The following SP110 variants were observed in gnomAD, a reference collection of about 807,000 sequenced individuals.
The protein encoded by SP110 is SP110 nuclear body protein, also known as interferon-induced protein 41, 30kD.
A neutral mutation model predicts 92.7 loss-of-function variants in SP110; 62 were observed. That is an observed-to-expected ratio of 0.67 (90% CI 0.55 to 0.83). SP110 has a LOEUF of 0.83. SP110 is among the 40% of genes least tolerant of loss of function. SP110 has a pLI of 0.00. For missense variants in SP110, 793 were observed against 863.9 expected (o/e 0.92, Z 1.03); for synonymous variants, 273 against 305.3 (o/e 0.89, Z 1.10).
intron 14 of SP110, among the ~76,000 whole-genome samples, chr2:230,175,707 A>T (rs1264442278): frequency 6.6e-6 from 1 of 152,138 alleles, no homozygotes; most frequent in Non-Finnish European, 1.5e-5. Context: ...AAGCAAGTAG[A>T]GGAGGTTGAG....
chr2:230,172,822 G>C, intron 15 of SP110, 22 bp downstream of exon 15: 1 of 1,509,868 alleles, frequency 6.6e-7, no homozygotes, highest in Non-Finnish European at 9.2e-7. Flanking sequence ...GTGTGCCCGA[G>C]GCGGGGCTGC....
intron 8 of SP110, 23 bp from the exon 9 acceptor site, chr2:230,202,751 A>C: frequency 6.2e-7 from 1 of 1,613,764 alleles, no homozygotes; most frequent in Non-Finnish European, 8.5e-7. Flanking sequence ...ATGACTTGTT[A>C]ATAGTTTAAA....
At chr2:230,174,797 T>A (rs998312207) in intron 14 of SP110, among the ~76,000 whole-genome samples, 1 of 152,222 alleles carries the variant, frequency 6.6e-6, no homozygotes, top group East Asian at 1.9e-4. Flanking sequence ...GAGACTGCAG[T>A]GGAGACAGAC....
At chr2:230,169,364 A>G (rs375754898) in intron 18 of SP110, 127 bp from the exon 19 acceptor site, 3 of 702,114 alleles carry the variant, frequency 4.3e-6, no homozygotes, top group African/African-American at 1.7e-5. Flanking sequence ...GCTGTGGTGC[A>G]GTGGCACCGT....
chr2:230,195,036 T>C (rs1241074166), intron 10 of SP110, among the ~76,000 whole-genome samples: 1 of 151,996 alleles, frequency 6.6e-6, no homozygotes, highest in Non-Finnish European at 1.5e-5. Context: ...TTCACTTTTC[T>C]TCCTTATGTC....
At chr2:230,171,181 T>C (rs9783993) in intron 17 of SP110, among the ~76,000 whole-genome samples, 63,208 of 151,968 alleles carry the variant, frequency 0.42, 13,833 homozygotes, top group Non-Finnish European at 0.5. Flanking sequence ...CAACCTCTGC[T>C]TCCTGGGTTC....
At chr2:230,202,431 T>C in intron 9 of SP110, 148 bp downstream of exon 9, 1 of 728,212 alleles carries the variant, frequency 1.4e-6, no homozygotes, top group Admixed American at 2.6e-5. Context: ...GCTTGCTCTC[T>C]TTGTTCCTCT....
At chr2:230,184,761 AG>A (rs1481542877) in intron 11 of SP110, among the ~76,000 whole-genome samples, 2 of 152,356 alleles carry the variant, frequency 1.3e-5, no homozygotes, top group East Asian at 3.9e-4. Context: ...GACCCTCAAA[AG>A]AAAAAATTCC....
At chr2:230,174,004 A>C (rs2041734455) in intron 14 of SP110, 1 of 152,224 alleles carries the variant, frequency 6.6e-6, no homozygotes, top group South Asian at 2.1e-4. Flanking sequence ...CTAGGAGTAC[A>C]GGTGTAACAT....
At position 230,216,819 on chromosome 2, in the gene SP110, G is replaced by A. The variant is rs1422778809; in HGVS notation, c.109C>T (p.Leu37Phe). Residue 37 changes from leucine to phenylalanine, a missense_variant, in exon 2 of 19, where the codon CTC becomes TTC. Leu to Phe is a conservative substitution (Grantham distance 22). Transcript: ENST00000258381. ...TTAGTGATGATGGAGTTGTCTAGGA[G>A]GCCTTCAAAGAAGGGAAATGGCTTG... ...IHKPFPFFEG[L>F]LDNSIITKRM... 1 of 1,613,988 alleles carries A rather than the reference G, an allele frequency of 6.2e-7. No individual in the cohort carries two copies. The highest frequency in any genetic ancestry group is 8.5e-7 in the Non-Finnish European group (1 of 1,180,002).
chr2:230,169,094 TG>T lies in SP110; in HGVS notation c.*29del. 1 of 1,391,420 alleles carries T rather than the reference TG, an allele frequency of 7.2e-7. No individual in the cohort carries two copies. The allele number at this position is 1,391,420 out of a possible 1,614,324, so 86.2% of individuals were successfully genotyped here. A position where few individuals can be genotyped will look rare whatever the true frequency, so the allele number is the denominator to read the frequency against. ...GGGTCCCATCAGCTGAATCCTGAGG[TG>T]GGGATGCTTCAGTCTTTACAGAACA... is the stretch of plus-strand genomic sequence containing the variant. On this transcript the variant is annotated 3_prime_UTR_variant, in exon 19 of 19. Coordinates refer to ENST00000258381, the MANE Select transcript of SP110 (RefSeq NM_080424.4).
chr2:230,196,210 C>G (rs1011887343), intron 10 of SP110, among the ~76,000 whole-genome samples: 3 of 152,048 alleles, frequency 2.0e-5, no homozygotes, highest in African/African-American at 7.2e-5. Context: ...GTTTAAGAAT[C>G]AATTCTAAGG....
intron 1 of SP110, among the ~76,000 whole-genome samples, chr2:230,219,295 A>G (rs933113320): frequency 3.9e-5 from 6 of 152,226 alleles, no homozygotes; most frequent in African/African-American, 1.4e-4. Flanking sequence ...TTGTCTATCA[A>G]ATTGGCCAAG....
chr2:230,173,652 T>C (rs1181614396), intron 14 of SP110: 1 of 152,356 alleles, frequency 6.6e-6, no homozygotes, highest in Admixed American at 6.5e-5. Flanking sequence ...TCCCCACTGT[T>C]TCTCCATTTA....
At chr2:230,176,927 C>T (rs1355664766) in intron 14 of SP110, among the ~76,000 whole-genome samples, 2 of 152,182 alleles carry the variant, frequency 1.3e-5, no homozygotes, top group Non-Finnish European at 2.9e-5. Flanking sequence ...ACTTTTTCCC[C>T]TGTCACTCAA....
chr2:230,201,993 A>G (rs1400941032), intron 9 of SP110, among the ~76,000 whole-genome samples: 1 of 152,208 alleles, frequency 6.6e-6, no homozygotes, highest in African/African-American at 2.4e-5. Flanking sequence ...CTATCCTTCA[A>G]TCAAAGCAAC....
At position 230,214,809 on chromosome 2, in the gene SP110, T is replaced by G. The variant is rs2044922418; in HGVS notation, c.316+141A>C. Reference sequence around the variant, plus strand: ...TAGCAAGGGGCTGCTCCTGCAGCTGTACCAATGAGAGAATATGGTCCATTC... The same window carrying G: ...TAGCAAGGGGCTGCTCCTGCAGCTGGACCAATGAGAGAATATGGTCCATTC... On this transcript the variant is annotated intron_variant, in intron 3 of 18. Coordinates refer to ENST00000258381, the MANE Select transcript of SP110 (RefSeq NM_080424.4). The G allele has an allele frequency of 4.1e-6, 3 of 725,114 alleles. No individual in the cohort carries two copies. In the South Asian group the frequency reaches 4.6e-5, roughly 11 times the overall value. 44.9% of individuals were successfully genotyped at this position (725,114 alleles called of 1,614,324 possible). A position where few individuals can be genotyped will look rare whatever the true frequency, so the allele number is the denominator to read the frequency against.
At position 230,169,150 on chromosome 2, in the gene SP110, C is replaced by T. The variant is rs771524886; in HGVS notation, c.2116G>A (p.Asp706Asn). The change falls in exon 19 of 19, where the codon GAC (aspartate) becomes AAC (asparagine). Residue 706 changes from aspartate to asparagine, a missense_variant. By Grantham distance (23) the Asp-to-Asn change is conservative. Transcript: ENST00000258381. ...CAAGGAAGAGTCCAGAAACCGCCGTCATTGGCTTCATGAAAACCGAGCACG... is the reference window on the plus strand; with the variant it reads ...CAAGGAAGAGTCCAGAAACCGCCGTTATTGGCTTCATGAAAACCGAGCACG... The part of the protein sequence containing the change: ...KDVLGFHEAN[D>N]GGFWTLP The T allele has an allele frequency of 1.7e-5, 28 of 1,613,420 alleles. No homozygotes were observed. The highest frequency in any genetic ancestry group is 2.3e-5 in the Non-Finnish European group (27 of 1,179,562).
At chr2:230,188,632 A>G (rs895437294) in intron 10 of SP110, among the ~76,000 whole-genome samples, 1 of 152,170 alleles carries the variant, frequency 6.6e-6, no homozygotes, top group Non-Finnish European at 1.5e-5. Flanking sequence ...TTTGTCATAT[A>G]TGACTTTTAT....
Sources: allele counts gnomAD v4.1 joint callset (sites outside exome capture counted in the v4.1 genomes callset), GRCh38; gene constraint gnomAD v4.1.1; transcripts MANE v1.5; gene names NCBI Gene and HGNC (gene_info 2026-07-23, HGNC 2026-07-21).